TEX11: variants seen among roughly 807,000 people sequenced by gnomAD.
The protein encoded by TEX11 is testis-expressed protein 11.
TEX11 carries 7 observed loss-of-function variants against 84.4 expected under a neutral mutation model. The ratio of observed to expected loss-of-function variants is 0.08; its 90% confidence interval spans 0.05 to 0.16. The LOEUF (loss-of-function observed/expected upper bound fraction) is 0.16. Ranked by LOEUF, TEX11 falls within the 10% of genes least tolerant of loss-of-function variation. The pLI is 1.00. For missense variants in TEX11, 551 were observed against 660.5 expected, an observed-to-expected ratio of 0.83 and a Z score of 1.82; for synonymous variants, 264 against 222.8, an observed-to-expected ratio of 1.18 and a Z score of -1.64.
rs372708851 is a variant in TEX11, at chrX:70,861,288, C to G, written c.245-352G>C. ...GTTTTAGCCGGGATGGTCTCGATCT[C>G]CTGACCTCGTGATCCGCCCGCCTCG... On this transcript the variant is annotated intron_variant, in intron 4 of 29. Coordinates refer to ENST00000374333, the MANE Select transcript of TEX11 (RefSeq NM_031276.3). Among the ~76,000 whole-genome samples the G allele has an allele frequency of 7.2e-4, 78 of 107,871 alleles. 2 individuals are homozygous for G. In the East Asian group the frequency reaches 0.023, roughly 32 times the overall value. The allele number at this position is 107,871 out of a possible 115,157, so 93.7% of individuals were successfully genotyped here. A position where few individuals can be genotyped will look rare whatever the true frequency, so the allele number is the denominator to read the frequency against.
intron 11 of TEX11, 111 bp from the exon 12 acceptor site, chrX:70,725,454 G>C (rs1264760820): frequency 2.4e-6 from 1 of 415,065 alleles, no homozygotes; most frequent in Non-Finnish European, 4.1e-6. Flanking sequence ...ATAATCAAAG[G>C]AAATCGAAAT....
Position 70,806,803 on chromosome X carries a change from A to T in TEX11, c.607-13T>A, listed in dbSNP as rs1401335445. On this transcript the variant is annotated splice_polypyrimidine_tract_variant and intron_variant, in intron 8 of 29. Coordinates refer to ENST00000374333, the MANE Select transcript of TEX11 (RefSeq NM_031276.3). The stretch of plus-strand genomic sequence containing the variant: ...GAAGACTTGAAGTCTGCAATATAAA[A>T]AAAATGCATTAGATTCATGATTTCC... 6 of 1,114,165 alleles carry T rather than the reference A, an allele frequency of 5.4e-6. No homozygotes were observed. Among genetic ancestry groups the T allele is most frequent in the Non-Finnish European group, 7.3e-6 (6 of 820,690 alleles). The allele number at this position is 1,114,165 out of a possible 1,213,427, so 91.8% of individuals were successfully genotyped here.
At chrX:70,677,882 C>T (rs1391295806) in intron 15 of TEX11, among the ~76,000 whole-genome samples, 3 of 94,116 alleles carry the variant, frequency 3.2e-5, no homozygotes, top group African/African-American at 4.1e-5. Flanking sequence ...GGCGCGATCT[C>T]GGCTCACTGC....
At chrX:70,845,182 G>A (rs1442763680) in intron 7 of TEX11, among the ~76,000 whole-genome samples, 1 of 110,582 alleles carries the variant, frequency 9.0e-6, no homozygotes, top group Non-Finnish European at 1.9e-5. Context: ...TTTTACTTTT[G>A]AGAGGGAATC....
At chrX:70,618,151 C>T (rs1478946959) in intron 20 of TEX11, among the ~76,000 whole-genome samples, 1 of 111,798 alleles carries the variant, frequency 8.9e-6, no homozygotes, top group Non-Finnish European at 1.9e-5. Context: ...TTTTGACTGA[C>T]TCATTGGCAG....
intron 17 of TEX11, among the ~76,000 whole-genome samples, chrX:70,647,205 T>C (rs749170848): frequency 8.9e-6 from 1 of 111,832 alleles, no homozygotes; most frequent in South Asian, 3.8e-4. Context: ...CAGAATAGAA[T>C]GTTCATAGAA....
chrX:70,577,649 ATCT>A (rs2088693814), intron 25 of TEX11, among the ~76,000 whole-genome samples: 1 of 111,318 alleles, frequency 9.0e-6, no homozygotes, highest in African/African-American at 3.3e-5. Context: ...TGGTTGTAAC[ATCT>A]TCTCGGTTTC....
chrX:70,788,961 TATATATATATATAGAGAGAGAGAG>T (rs1457703645), intron 9 of TEX11, among the ~76,000 whole-genome samples: 30 of 44,532 alleles, frequency 6.7e-4, no homozygotes, highest in Non-Finnish European at 9.8e-4. Context: ...TATATATATA[TATATATATATATAGAGAGAGAGAG>T]AGAGAGAGAG....
intron 9 of TEX11, among the ~76,000 whole-genome samples, chrX:70,793,218 G>A (rs995740147): frequency 1.8e-5 from 2 of 111,797 alleles, no homozygotes; most frequent in Non-Finnish European, 3.8e-5. Flanking sequence ...AGCCATCTAT[G>A]ACAAACCCAC....
intron 2 of TEX11, among the ~76,000 whole-genome samples, chrX:70,897,934 G>C (rs1020393609): frequency 9.0e-6 from 1 of 111,263 alleles, no homozygotes; most frequent in Non-Finnish European, 1.9e-5. Flanking sequence ...ATAAAGCATG[G>C]AGAAGTTAAC....
intron 17 of TEX11, among the ~76,000 whole-genome samples, chrX:70,642,255 T>A (rs937806345): frequency 9.0e-5 from 10 of 111,556 alleles, no homozygotes; most frequent in African/African-American, 3.3e-4. Flanking sequence ...AATAACAGGA[T>A]CTGATATTGT....
At chrX:70,552,781 A>T (rs966934568) in intron 27 of TEX11, among the ~76,000 whole-genome samples, 8 of 111,979 alleles carry the variant, frequency 7.1e-5, no homozygotes, top group African/African-American at 2.3e-4. Context: ...AAAAATAATG[A>T]GGCAAACATA....
chrX:70,550,136 T>C (rs1303167752), intron 28 of TEX11, among the ~76,000 whole-genome samples: 1 of 112,561 alleles, frequency 8.9e-6, no homozygotes, highest in Non-Finnish European at 1.9e-5. Context: ...GAACATACTT[T>C]GGGGAAAGAA....
At chrX:70,653,345 G>C (rs1177436800) in intron 16 of TEX11, among the ~76,000 whole-genome samples, 1 of 111,688 alleles carries the variant, frequency 9.0e-6, no homozygotes, top group Non-Finnish European at 1.9e-5. Flanking sequence ...TCAACAATAA[G>C]AAAATAAACA....
chrX:70,630,931 AT>A (rs2089504415), intron 17 of TEX11, among the ~76,000 whole-genome samples: 1 of 112,437 alleles, frequency 8.9e-6, no homozygotes, highest in Non-Finnish European at 1.9e-5. Flanking sequence ...ATAAAAGGTT[AT>A]TTCAAGACAA....
At chrX:70,633,976 A>G (rs759249334) in intron 17 of TEX11, among the ~76,000 whole-genome samples, 1 of 112,029 alleles carries the variant, frequency 8.9e-6, no homozygotes, top group South Asian at 3.8e-4. Context: ...AATCTGATGG[A>G]ATCTACAGGG....
chrX:70,568,033 G>A (rs776926647), intron 25 of TEX11, among the ~76,000 whole-genome samples: 2 of 111,111 alleles, frequency 1.8e-5, no homozygotes, highest in Non-Finnish European at 3.8e-5. Context: ...TTATTGTGTG[G>A]GAGTCTAAGT....
chrX:70,856,956 GGA>G (rs2091539921), intron 5 of TEX11, among the ~76,000 whole-genome samples: 1 of 111,606 alleles, frequency 9.0e-6, no homozygotes, highest in Non-Finnish European at 1.9e-5. Flanking sequence ...GAAACCAATT[GGA>G]GAGGGGGTGG....
At chrX:70,621,535 AAAAAAAAAAAAAAAAAATAT>A (rs2089386997) in intron 20 of TEX11, among the ~76,000 whole-genome samples, 1 of 33,075 alleles carries the variant, frequency 3.0e-5, no homozygotes, top group Non-Finnish European at 5.9e-5. Context: ...AAAAAAAAAA[AAAAAAAAAAAAAAAAAATAT>A]ATATATATAT....
Sources: allele counts gnomAD v4.1 joint callset (sites outside exome capture counted in the v4.1 genomes callset), GRCh38; gene constraint gnomAD v4.1.1; transcripts MANE v1.5; gene names NCBI Gene and HGNC (gene_info 2026-07-23, HGNC 2026-07-21).